Variants in NPFFR2 observed in about 807,000 individuals in gnomAD.
NPFFR2 encodes neuropeptide FF receptor 2.
A neutral mutation model predicts 13.1 loss-of-function variants in NPFFR2; 15 were observed. That is an observed-to-expected ratio of 1.15 (90% confidence interval 0.77 to 1.76). NPFFR2 has a LOEUF of 1.76. NPFFR2 is among the 40% of genes most tolerant of loss of function. The pLI, the probability that NPFFR2 is intolerant of heterozygous loss-of-function variation, is 0.00. For synonymous variants in NPFFR2, 190 were observed against 175.7 expected, an observed-to-expected ratio of 1.08 and a Z score of -0.65; for missense variants, 572 against 503.5, an observed-to-expected ratio of 1.14 and a Z score of -1.30.
At chr4:72,110,270 T>C (rs1365583848) in intron 1 of NPFFR2, among the ~76,000 whole-genome samples, 1 of 152,006 alleles carries the variant, frequency 6.6e-6, no homozygotes, top group Non-Finnish European at 1.5e-5. Flanking sequence ...AAGAAAGACA[T>C]GTTTGCTTCC....
intron 2 of NPFFR2, 50 bp from the exon 3 acceptor site, chr4:72,137,990 G>T: frequency 7.2e-7 from 1 of 1,382,282 alleles, no homozygotes; most frequent in Non-Finnish European, 1.0e-6. Flanking sequence ...CATTTTCAGT[G>T]AGATTTTGAA....
At chr4:72,085,351 CTT>C (rs1002647281) in intron 1 of NPFFR2, among the ~76,000 whole-genome samples, 4 of 152,266 alleles carry the variant, frequency 2.6e-5, no homozygotes, top group African/African-American at 9.6e-5. Context: ...GGAAGAAAGT[CTT>C]TTGAGACAAA....
chr4:72,139,373 A>AG (rs1722522686), intron 3 of NPFFR2, among the ~76,000 whole-genome samples: 1 of 152,112 alleles, frequency 6.6e-6, no homozygotes, highest in African/African-American at 2.4e-5. Context: ...GTTTTCTTCT[A>AG]GGTTTTTTAT....
At position 72,071,667 on chromosome 4, in the gene NPFFR2, C is replaced by T. The variant is rs116983875; in HGVS notation, c.-8+39467C>T. ...AGATCTGCACATGTACCTGGAATAG[C>T]TTGAACATAGCTTGAAGAAGCCTGG... On this transcript the variant is annotated intron_variant, in intron 1 of 3. Coordinates refer to ENST00000308744, the MANE Select transcript of NPFFR2 (RefSeq NM_004885.3). 9.2e-5 allele frequency among the ~76,000 whole-genome samples: 14 copies of T among 152,234 alleles called. No individual in the cohort carries two copies. In the East Asian group the frequency reaches 2.7e-3, roughly 29 times the overall value.
At chr4:72,062,063 A>G (rs555984473) in intron 1 of NPFFR2, among the ~76,000 whole-genome samples, 1 of 124,960 alleles carries the variant, frequency 8.0e-6, no homozygotes, top group South Asian at 2.9e-4. Flanking sequence ...TCTGTTTGGA[A>G]CTCTTTGGTA....
chr4:72,045,985 A>C (rs1719368708), intron 1 of NPFFR2, among the ~76,000 whole-genome samples: 1 of 152,192 alleles, frequency 6.6e-6, no homozygotes, highest in African/African-American at 2.4e-5. Context: ...AGATATATAT[A>C]AAGATGTTTA....
intron 1 of NPFFR2, among the ~76,000 whole-genome samples, chr4:72,095,003 A>G (rs1721021326): frequency 6.6e-6 from 1 of 152,182 alleles, no homozygotes; most frequent in Non-Finnish European, 1.5e-5. Flanking sequence ...GCTGTTTCCT[A>G]TATTTTGTAC....
intron 2 of NPFFR2, among the ~76,000 whole-genome samples, chr4:72,136,053 G>A (rs1722400546): frequency 6.6e-6 from 1 of 152,038 alleles, no homozygotes; most frequent in Non-Finnish European, 1.5e-5. Flanking sequence ...ACTCTGTTGT[G>A]CTATCATATA....
intron 1 of NPFFR2, among the ~76,000 whole-genome samples, chr4:72,126,338 T>C (rs1252721051): frequency 1.3e-5 from 2 of 152,240 alleles, no homozygotes; most frequent in East Asian, 3.8e-4. Context: ...TATAATTCTT[T>C]GCTGGAACAC....
intron 1 of NPFFR2, among the ~76,000 whole-genome samples, chr4:72,086,133 A>G (rs1164828592): frequency 6.6e-6 from 1 of 152,114 alleles, no homozygotes; most frequent in Admixed American, 6.6e-5. Context: ...TGTAAAATAA[A>G]TGTGTTTTCC....
intron 1 of NPFFR2, among the ~76,000 whole-genome samples, chr4:72,072,081 AAGC>A (rs1160144760): frequency 6.6e-6 from 1 of 152,154 alleles, no homozygotes; most frequent in Non-Finnish European, 1.5e-5. Context: ...ACAACAAAAA[AAGC>A]AGCAAATCCT....
intron 1 of NPFFR2, among the ~76,000 whole-genome samples, chr4:72,089,604 G>T (rs1352779792): frequency 2.6e-5 from 4 of 151,966 alleles, no homozygotes; most frequent in African/African-American, 9.7e-5. Context: ...TCATTTGTTT[G>T]TTGGCCATTT....
intron 1 of NPFFR2, among the ~76,000 whole-genome samples, chr4:72,100,004 G>A (rs114514333): frequency 6.6e-6 from 1 of 151,946 alleles, no homozygotes; most frequent in African/African-American, 2.4e-5. Flanking sequence ...AAATCATTTT[G>A]TACATTAATG....
chr4:72,062,071 G>A (rs1226764474), intron 1 of NPFFR2, among the ~76,000 whole-genome samples: 1 of 72,922 alleles, frequency 1.4e-5, no homozygotes, highest in Non-Finnish European at 3.3e-5. Context: ...GAACTCTTTG[G>A]TACTCAATTT....
intron 1 of NPFFR2, among the ~76,000 whole-genome samples, chr4:72,087,548 T>C (rs1720802519): frequency 1.4e-5 from 1 of 71,096 alleles, no homozygotes; most frequent in Non-Finnish European, 3.8e-5. Context: ...TACATGATGG[T>C]CTTGTGTAGG....
chr4:72,107,218 C>T (rs549469091), intron 1 of NPFFR2, among the ~76,000 whole-genome samples: 20 of 151,562 alleles, frequency 1.3e-4, no homozygotes, highest in African/African-American at 4.8e-4. Context: ...TTAATAGACT[C>T]CTGCTCACAA....
At chr4:72,076,731 C>G (rs1179508613) in intron 1 of NPFFR2, among the ~76,000 whole-genome samples, 2 of 152,110 alleles carry the variant, frequency 1.3e-5, no homozygotes, top group East Asian at 3.9e-4. Context: ...CATTTTAGCA[C>G]AAATACAACC....
chr4:72,073,840 AT>A (rs1283595149), intron 1 of NPFFR2, among the ~76,000 whole-genome samples: 1 of 151,992 alleles, frequency 6.6e-6, no homozygotes, highest in Admixed American at 6.6e-5. Context: ...GTTACATGTA[AT>A]CCCCATGGTA....
At chr4:72,094,198 T>C (rs973624863) in intron 1 of NPFFR2, among the ~76,000 whole-genome samples, 2 of 152,186 alleles carry the variant, frequency 1.3e-5, no homozygotes, top group Non-Finnish European at 2.9e-5. Context: ...TTCAGGTCTC[T>C]CAGCTGTGTA....
Sources: allele counts gnomAD v4.1 joint callset (sites outside exome capture counted in the v4.1 genomes callset), GRCh38; gene constraint gnomAD v4.1.1; transcripts MANE v1.5; gene names NCBI Gene and HGNC (gene_info 2026-07-23, HGNC 2026-07-21).